RRM2B: variants seen among roughly 807,000 people sequenced by gnomAD.
RRM2B encodes the protein ribonucleotide reductase regulatory TP53 inducible subunit M2B.
Under a neutral mutation model 45.9 loss-of-function variants are expected in RRM2B, and 20 were observed. That is an observed-to-expected ratio of 0.44 (90% CI 0.31 to 0.63). The LOEUF (loss-of-function observed/expected upper bound fraction) is 0.63. RRM2B is among the 30% of genes least tolerant of loss of function. RRM2B has a pLI of 0.09. For synonymous variants in RRM2B, 124 were observed against 132.3 expected, an observed-to-expected ratio of 0.94 and a Z score of 0.43; for missense variants, 320 against 414.7, an observed-to-expected ratio of 0.77 and a Z score of 1.98.
In RRM2B at chr8:102,207,201, A is replaced by G. The variant is rs936435941; in HGVS notation, c.*932T>C. On this transcript the variant is annotated 3_prime_UTR_variant, in exon 9 of 9. Transcript: ENST00000251810. ...CTTTGATGTACTGACTGTACTTGCT[A>G]AAGAAGAATGAAGTGTTCAGCATTT... is the stretch of plus-strand genomic sequence containing the variant. The G allele has an allele frequency of 6.6e-6, 1 of 152,198 alleles. No homozygotes were observed. The highest frequency in any genetic ancestry group is 2.4e-5 in the African/African-American group (1 of 41,450). The allele number at this position is 152,198 out of a possible 1,614,324, so 9.4% of individuals were successfully genotyped here.
At position 102,206,897 on chromosome 8, in the gene RRM2B, A is replaced by C. The variant is rs1271964996; in HGVS notation, c.*1236T>G. The C allele has an allele frequency of 2.6e-5, 4 of 152,186 alleles. No homozygotes were observed. The highest frequency in any genetic ancestry group is 9.7e-5 in the African/African-American group (4 of 41,442). The allele number at this position is 152,186 out of a possible 1,614,324, so 9.4% of individuals were successfully genotyped here. ...AAGAACTATCTCTTATAACAGCTCA[A>C]GAGTTTTAAAACCATAAAGAAACAC... is the stretch of plus-strand genomic sequence containing the variant. On this transcript the variant is annotated 3_prime_UTR_variant, in exon 9 of 9. Transcript: ENST00000251810.
intron 2 of RRM2B, among the ~76,000 whole-genome samples, chr8:102,231,128 T>C (rs1048811954): frequency 6.6e-6 from 1 of 152,192 alleles, no homozygotes; most frequent in Non-Finnish European, 1.5e-5. Context: ...GTATCACCCA[T>C]TATATTTAAA....
intron 1 of RRM2B, 140 bp downstream of exon 1, chr8:102,238,687 G>T (rs752632445): frequency 2.6e-6 from 4 of 1,550,614 alleles, no homozygotes; most frequent in African/African-American, 2.7e-5. Context: ...TCGCAACGAC[G>T]AAGCCAGGCT....
At chr8:102,208,346 A>C in intron 8 of RRM2B, 61 bp from the exon 9 acceptor site, 1 of 1,247,172 alleles carries the variant, frequency 8.0e-7, no homozygotes, top group East Asian at 2.3e-5. Context: ...CCACAATAAG[A>C]GCAAAGATGA....
chr8:102,210,369 C>T (rs1330615492), intron 8 of RRM2B, among the ~76,000 whole-genome samples: 1 of 152,094 alleles, frequency 6.6e-6, no homozygotes, highest in Admixed American at 6.5e-5. Context: ...GATGTTAGAA[C>T]TGAAGACTTT....
intron 8 of RRM2B, 135 bp downstream of exon 8, chr8:102,212,641 T>C: frequency 1.7e-6 from 1 of 592,922 alleles, no homozygotes; most frequent in African/African-American, 1.9e-5. Context: ...ACCTTGTTCA[T>C]ACAAAACAAG....
intron 5 of RRM2B, among the ~76,000 whole-genome samples, chr8:102,219,784 C>G (rs1337794138): frequency 6.6e-6 from 1 of 152,184 alleles, no homozygotes; most frequent in Admixed American, 6.5e-5. Flanking sequence ...ATACAGGCAG[C>G]TGAGTGCTTG....
chr8:102,224,088 CT>C lies in RRM2B; in HGVS notation c.507del (p.Asp170IlefsTer7). The part of the protein sequence containing the change: ...IETMPYVKKK[A>X]DWALRWIADR... ...TCTGCTATCCATCGCAAGGCCCAATCTGCTTTTTTCTTAACATAGGGCATGG... is the reference window on the plus strand; with the variant it reads ...TCTGCTATCCATCGCAAGGCCCAATCGCTTTTTTCTTAACATAGGGCATGG... On this transcript the variant is annotated frameshift_variant, in exon 5 of 9. Coordinates refer to ENST00000251810, the MANE Select transcript of RRM2B (RefSeq NM_015713.5). LOFTEE classifies it high-confidence loss of function. 1 of 1,613,824 alleles carries C rather than the reference CT, an allele frequency of 6.2e-7. No homozygotes were observed. The highest frequency in any genetic ancestry group is 8.5e-7 in the Non-Finnish European group (1 of 1,179,772).
intron 2 of RRM2B, among the ~76,000 whole-genome samples, chr8:102,230,013 A>G (rs975381029): frequency 3.9e-5 from 6 of 152,226 alleles, no homozygotes; most frequent in Non-Finnish European, 8.8e-5. Context: ...CATTGGAAAT[A>G]TTCCCTTCCT....
chr8:102,213,147 A>T (rs750630541), intron 7 of RRM2B, among the ~76,000 whole-genome samples: 1 of 152,196 alleles, frequency 6.6e-6, no homozygotes, highest in Non-Finnish European at 1.5e-5. Context: ...TTCTTGAAGT[A>T]GCAGATATAA....
intron 2 of RRM2B, 37 bp from the exon 3 acceptor site, chr8:102,226,071 G>A (rs1464077079): frequency 3.1e-6 from 4 of 1,270,820 alleles, no homozygotes; most frequent in Non-Finnish European, 3.5e-6. Context: ...TTAATTTGGA[G>A]TTAAGTTCTT....
chr8:102,218,725 C>CAAA (rs573218615), intron 6 of RRM2B, 89 bp downstream of exon 6: 204 of 791,976 alleles, frequency 2.6e-4, no homozygotes, highest in Non-Finnish European at 3.0e-4. Context: ...GATCCTGTCT[C>CAAA]AAAAAAAAAA....
chr8:102,237,016 T>C (rs1405968323), intron 1 of RRM2B, among the ~76,000 whole-genome samples: 2 of 152,226 alleles, frequency 1.3e-5, no homozygotes, highest in Non-Finnish European at 1.5e-5. Flanking sequence ...TAGCTGTATG[T>C]TGTCATAGTC....
chr8:102,224,434 A>G (rs1459369510), intron 4 of RRM2B, among the ~76,000 whole-genome samples: 2 of 152,092 alleles, frequency 1.3e-5, no homozygotes, highest in Admixed American at 1.3e-4. Context: ...TCGGCCTCCC[A>G]AGGTGCTGGG....
Position 102,225,965 on chromosome 8 carries a change from T to A in RRM2B, c.274A>T (p.Ile92Phe). 1 of 1,613,000 alleles carries A rather than the reference T, an allele frequency of 6.2e-7. No individual in the cohort carries two copies. The highest frequency in any genetic ancestry group is 8.5e-7 in the Non-Finnish European group (1 of 1,179,092). ...KADEKYFISH[I>F]LAFFAASDGI... Reference sequence around the variant, plus strand: ...TCACTGGCTGCAAAAAAGGCTAAGATGTGAGAGATGAAGTACTTCTCATCT... The same window carrying A: ...TCACTGGCTGCAAAAAAGGCTAAGAAGTGAGAGATGAAGTACTTCTCATCT... The change falls in exon 3 of 9, where the codon ATC becomes TTC. Residue 92 changes from isoleucine (I) to phenylalanine (F), a missense_variant. By Grantham distance (21) the Ile-to-Phe change is conservative. This residue lies in a region of RRM2B where 225 missense variants were observed against 289.4 expected (regional missense o/e 0.78). Coordinates refer to ENST00000251810, the MANE Select transcript of RRM2B (RefSeq NM_015713.5).
Position 102,238,909 on chromosome 8 carries a change from G to T in RRM2B, c.-35C>A, listed in dbSNP as rs1321434056. ...TCCGCCGAAGCTACGGGCGCTGAGG[G>T]AACTGAGCTCCTCAGGCCACCTCCA... is the stretch of plus-strand genomic sequence containing the variant. On this transcript the variant is annotated 5_prime_UTR_variant, in exon 1 of 9. Coordinates refer to ENST00000251810, the MANE Select transcript of RRM2B (RefSeq NM_015713.5). 19 of 1,604,200 alleles carry T rather than the reference G, an allele frequency of 1.2e-5. No homozygotes were observed. The highest frequency in any genetic ancestry group is 1.5e-5 in the Non-Finnish European group (18 of 1,178,266).
intron 8 of RRM2B, among the ~76,000 whole-genome samples, chr8:102,210,587 C>T (rs752080135): frequency 2.0e-5 from 3 of 151,932 alleles, no homozygotes; most frequent in Admixed American, 1.3e-4. Flanking sequence ...CTCAGCCTCC[C>T]GAGTAGCTAG....
intron 3 of RRM2B, 114 bp from the exon 4 acceptor site, chr8:102,225,132 C>T (rs552949499): frequency 1.1e-4 from 109 of 1,025,340 alleles, no homozygotes; most frequent in Non-Finnish European, 1.5e-4. Context: ...ATGTAACAAA[C>T]AGGTCAGAAA....
rs142382577 is a variant in RRM2B at position 102,214,178 on chromosome 8, T to A, written c.685-20A>T. ...AAGTCCCTAAAAGGGAAGAAAAATG[T>A]CATTGTCAAATAACTTTTAATCAGC... On this transcript the variant is annotated intron_variant, in intron 6 of 8. Coordinates refer to ENST00000251810, the MANE Select transcript of RRM2B (RefSeq NM_015713.5). The A allele has an allele frequency of 1.7e-4, 263 of 1,529,034 alleles. No individual in the cohort carries two copies. In the African/African-American group the frequency reaches 3.3e-3, roughly 19 times the overall value. 94.7% of individuals were successfully genotyped at this position (1,529,034 alleles called of 1,614,324 possible).
Sources: gnomAD v4.1 joint callset for allele counts (sites outside exome capture counted in the v4.1 genomes callset) on GRCh38, gnomAD v4.1.1 for gene constraint, gnomAD v4.1.1 regional missense constraint, MANE v1.5 for transcripts, NCBI Gene and HGNC (gene_info 2026-07-23, HGNC 2026-07-21) for gene names.